KCNQ3: variants seen among roughly 807,000 people sequenced by gnomAD.
KCNQ3 encodes potassium voltage-gated channel subfamily KQT member 3.
In KCNQ3, 30 loss-of-function variants were observed where a neutral mutation model predicts 92.5. The observed-to-expected ratio is 0.32, with a 90% confidence interval of 0.24 to 0.44. The LOEUF (loss-of-function observed/expected upper bound fraction) is 0.44, where lower values mean the gene tolerates loss of function less well. KCNQ3 is among the 20% of genes least tolerant of loss of function. The probability of loss-of-function intolerance (pLI) is 1.00; values close to 1 mark genes in which losing one functional copy is unlikely to be tolerated. For missense variants in KCNQ3, 913 were observed against 1,140.3 expected (o/e 0.80, Z 2.87); for synonymous variants, 450 against 468.8 (o/e 0.96, Z 0.52).
rs114558337 is a variant in KCNQ3 at position 132,298,586 on chromosome 8, G to C, written c.387-112405C>G. Reference sequence around the variant, plus strand: ...GGGGAGCCTTAATATACCGATTTTAGAATGTCTGTAAGATAAGTTTATGAT... The same window carrying C: ...GGGGAGCCTTAATATACCGATTTTACAATGTCTGTAAGATAAGTTTATGAT... On this transcript the variant is annotated intron_variant, in intron 1 of 14. Transcript: ENST00000388996. 5.6e-3 allele frequency among the ~76,000 whole-genome samples: 852 copies of C among 152,266 alleles called. 8 individuals are homozygous for C. The highest frequency in any genetic ancestry group is 0.02 in the African/African-American group (825 of 41,552).
intron 1 of KCNQ3, among the ~76,000 whole-genome samples, chr8:132,425,227 G>A (rs116861923): frequency 0.012 from 1,768 of 152,340 alleles, 15 homozygotes; most frequent in Non-Finnish European, 0.02. Flanking sequence ...CCAGAATAAA[G>A]AGAAGAGCTG....
chr8:132,129,376 C>G lies in KCNQ3; in HGVS notation c.2505G>C (p.Glu835Asp), dbSNP rs748320350. Residue 835 changes from glutamate to aspartate, a missense_variant, in exon 15 of 15, where the codon GAG becomes GAC. Around this residue, in one of 6 missense-constraint regions of KCNQ3, gnomAD observed 375 missense variants for 376.4 expected, o/e 1.00. Coordinates refer to ENST00000388996, the MANE Select transcript of KCNQ3 (RefSeq NM_004519.4). The surrounding 1 kb of genome is among the most constrained non-coding windows in gnomAD (Gnocchi z 5.9). ...SWMREKRYLA[E>D]GETDTDTDPF... ...GGTCCGTGTCTGTGTCCGTCTCACC[C>G]TCGGCGAGGTACCGCTTCTCCCTCA... 5.0e-5 allele frequency: 80 copies of G among 1,614,080 alleles called. No individual in the cohort carries two copies. The highest frequency in any genetic ancestry group is 6.4e-5 in the Non-Finnish European group (76 of 1,180,044).
chr8:132,165,295 G>A (rs1047726724), intron 8 of KCNQ3, among the ~76,000 whole-genome samples: 2 of 152,184 alleles, frequency 1.3e-5, no homozygotes, highest in African/African-American at 4.8e-5. Flanking sequence ...CTTATGATAG[G>A]AAAGGACCAG....
intron 1 of KCNQ3, among the ~76,000 whole-genome samples, chr8:132,416,534 C>A (rs1343360200): frequency 1.3e-5 from 2 of 152,150 alleles, no homozygotes; most frequent in Non-Finnish European, 2.9e-5. Context: ...GCAGGAGAAT[C>A]ATTTGAACCT....
chr8:132,326,902 C>T (rs180771223), intron 1 of KCNQ3, among the ~76,000 whole-genome samples: 1 of 152,322 alleles, frequency 6.6e-6, no homozygotes, highest in Admixed American at 6.5e-5. Context: ...AAGAGACTAC[C>T]TCGACCATCT....
At chr8:132,426,318 C>T (rs970072790) in intron 1 of KCNQ3, among the ~76,000 whole-genome samples, 9 of 152,226 alleles carry the variant, frequency 5.9e-5, no homozygotes, top group Non-Finnish European at 8.8e-5. Flanking sequence ...ATCATGACAC[C>T]GGCCATGGTT....
At chr8:132,471,223 A>C (rs1388648429) in intron 1 of KCNQ3, among the ~76,000 whole-genome samples, 1 of 152,160 alleles carries the variant, frequency 6.6e-6, no homozygotes, top group Non-Finnish European at 1.5e-5. Context: ...GTCTCCCTTC[A>C]TCACTCTTCT....
chr8:132,209,825 C>T (rs534253049), intron 1 of KCNQ3, among the ~76,000 whole-genome samples: 2 of 151,916 alleles, frequency 1.3e-5, no homozygotes, highest in Non-Finnish European at 2.9e-5. Flanking sequence ...TTAAATGCAT[C>T]CTCAACTTAC....
intron 1 of KCNQ3, among the ~76,000 whole-genome samples, chr8:132,433,277 G>C (rs1451285621): frequency 1.3e-5 from 2 of 152,098 alleles, no homozygotes; most frequent in African/African-American, 4.8e-5. Context: ...TCAATGAAAA[G>C]CCACCACTAG....
chr8:132,435,825 C>A (rs1480256341), intron 1 of KCNQ3, among the ~76,000 whole-genome samples: 1 of 152,156 alleles, frequency 6.6e-6, no homozygotes, highest in East Asian at 1.9e-4. Flanking sequence ...GTGTGGGCCA[C>A]CATTTTTTCA....
chr8:132,365,611 T>A (rs1819299625), intron 1 of KCNQ3, among the ~76,000 whole-genome samples: 1 of 152,200 alleles, frequency 6.6e-6, no homozygotes, highest in Non-Finnish European at 1.5e-5. Context: ...GTAAAATAGA[T>A]GTAATGATAA....
At chr8:132,210,432 A>G (rs1008348981) in intron 1 of KCNQ3, among the ~76,000 whole-genome samples, 2 of 152,238 alleles carry the variant, frequency 1.3e-5, no homozygotes, top group Non-Finnish European at 2.9e-5. Context: ...TACTTTGAGT[A>G]AGGAGCAGTA....
At chr8:132,362,393 A>G (rs1363113126) in intron 1 of KCNQ3, among the ~76,000 whole-genome samples, 1 of 152,218 alleles carries the variant, frequency 6.6e-6, no homozygotes, top group Non-Finnish European at 1.5e-5. Context: ...AGGACCTGCC[A>G]AAGTGCCACA....
chr8:132,203,224 C>T (rs1398767241), intron 1 of KCNQ3, among the ~76,000 whole-genome samples: 1 of 152,182 alleles, frequency 6.6e-6, no homozygotes, highest in African/African-American at 2.4e-5. Context: ...AACACTGTTG[C>T]ATCGGGGAGT....
chr8:132,231,943 C>G, intron 1 of KCNQ3, among the ~76,000 whole-genome samples: 1 of 152,334 alleles, frequency 6.6e-6, no homozygotes, highest in South Asian at 2.1e-4. Context: ...ATTCCAGGCA[C>G]TGTGCTTAAC....
At chr8:132,165,792 T>C (rs914379378) in intron 8 of KCNQ3, among the ~76,000 whole-genome samples, 1 of 152,236 alleles carries the variant, frequency 6.6e-6, no homozygotes, top group Non-Finnish European at 1.5e-5. Context: ...CTGAGCGATA[T>C]TAAGCAAGCT....
intron 1 of KCNQ3, among the ~76,000 whole-genome samples, chr8:132,392,924 T>A (rs981251002): frequency 6.6e-6 from 1 of 152,146 alleles, no homozygotes; most frequent in East Asian, 1.9e-4. Flanking sequence ...ACCTTTTTCT[T>A]TTTTTCTGGT....
At chr8:132,251,366 C>T (rs1815403350) in intron 1 of KCNQ3, among the ~76,000 whole-genome samples, 1 of 152,194 alleles carries the variant, frequency 6.6e-6, no homozygotes, top group African/African-American at 2.4e-5. Context: ...TCAGGAAAAG[C>T]TGTAAAAAGA....
intron 1 of KCNQ3, among the ~76,000 whole-genome samples, chr8:132,239,933 T>C (rs1185133353): frequency 6.6e-6 from 1 of 152,208 alleles, no homozygotes; most frequent in Non-Finnish European, 1.5e-5. Flanking sequence ...TTTGCTATCT[T>C]CCATTTCACT....
Sources: allele counts gnomAD v4.1 joint callset (sites outside exome capture counted in the v4.1 genomes callset), GRCh38; gene constraint gnomAD v4.1.1; regional missense constraint gnomAD v4.1.1; non-coding constraint Gnocchi (gnomAD v3.1); transcripts MANE v1.5; gene names NCBI Gene and HGNC (gene_info 2026-07-23, HGNC 2026-07-21).